NUS1: variants seen among roughly 807,000 people sequenced by gnomAD.
NUS1 encodes NUS1 dehydrodolichyl diphosphate synthase subunit, also known as dehydrodolichyl diphosphate synthase complex subunit NUS1.
For missense variants in NUS1, 292 were observed against 382.9 expected, an observed-to-expected ratio of 0.76 and a Z score of 1.98; for synonymous variants, 135 against 155.2, an observed-to-expected ratio of 0.87 and a Z score of 0.97.
At chr6:117,705,917 T>C (rs1172456859) in intron 4 of NUS1, among the ~76,000 whole-genome samples, 2 of 152,152 alleles carry the variant, frequency 1.3e-5, no homozygotes, top group East Asian at 1.9e-4. Flanking sequence ...GGATGACTTA[T>C]TGCAGAATTT....
chr6:117,708,965 C>T lies in NUS1; in HGVS notation c.*1950C>T, dbSNP rs888651702. ...AGTAAAGGTTTAATATTTGCATTTT[C>T]GTGCTTTTATTTTCTCCTTCCATTC... is the stretch of plus-strand genomic sequence containing the variant. On this transcript the variant is annotated 3_prime_UTR_variant, in exon 5 of 5. Coordinates refer to ENST00000368494, the MANE Select transcript of NUS1 (RefSeq NM_138459.5). 6 of 152,126 alleles carry T rather than the reference C, an allele frequency of 3.9e-5. No individual in the cohort carries two copies. Among genetic ancestry groups the T allele is most frequent in the African/African-American group, 9.6e-5 (4 of 41,452 alleles). 9.4% of individuals were successfully genotyped at this position (152,126 alleles called of 1,614,324 possible). A position where few individuals can be genotyped will look rare whatever the true frequency, so the allele number is the denominator to read the frequency against.
In NUS1 at chr6:117,675,606, A is replaced by G; in HGVS notation, c.-65A>G. The G allele has an allele frequency of 7.0e-7, 1 of 1,420,152 alleles. No homozygotes were observed. Among genetic ancestry groups the G allele is most frequent in the Non-Finnish European group, 9.5e-7 (1 of 1,048,546 alleles). The allele number at this position is 1,420,152 out of a possible 1,614,324, so 88.0% of individuals were successfully genotyped here. The stretch of plus-strand genomic sequence containing the variant: ...TGGCCCGCGCCGGCCGCAGGGGCGG[A>G]TAAAAAGCCGTCGCGCTGCGGGAGT... On this transcript the variant is annotated 5_prime_UTR_variant, in exon 1 of 5. Coordinates refer to ENST00000368494, the MANE Select transcript of NUS1 (RefSeq NM_138459.5).
chr6:117,697,768 A>G (rs1773342297), intron 3 of NUS1, among the ~76,000 whole-genome samples: 1 of 152,104 alleles, frequency 6.6e-6, no homozygotes, highest in Non-Finnish European at 1.5e-5. Flanking sequence ...CAGAAAATCA[A>G]CAAGAAACAT....
intron 1 of NUS1, among the ~76,000 whole-genome samples, chr6:117,692,533 T>A (rs72951508): frequency 0.053 from 8,030 of 152,192 alleles, 224 homozygotes; most frequent in Middle Eastern, 0.12. Context: ...TACTAAATTG[T>A]TTTTCTGTTC....
intron 1 of NUS1, among the ~76,000 whole-genome samples, chr6:117,686,017 T>C (rs1423752102): frequency 6.7e-6 from 1 of 148,698 alleles, no homozygotes; most frequent in African/African-American, 2.5e-5. Context: ...ATCCCAGCAC[T>C]TTGGGAGGCT....
chr6:117,692,084 AG>A (rs1398372932), intron 1 of NUS1, among the ~76,000 whole-genome samples: 1 of 152,116 alleles, frequency 6.6e-6, no homozygotes, highest in Non-Finnish European at 1.5e-5. Context: ...CTATGGGGTG[AG>A]GAAAGAAATT....
intron 3 of NUS1, among the ~76,000 whole-genome samples, chr6:117,694,504 T>A (rs1390187394): frequency 6.6e-6 from 1 of 152,068 alleles, no homozygotes; most frequent in Admixed American, 6.5e-5. Context: ...TCTTCCCCTT[T>A]CTTTTTAGTT....
At chr6:117,689,089 AG>A (rs1773180219) in intron 1 of NUS1, among the ~76,000 whole-genome samples, 1 of 152,186 alleles carries the variant, frequency 6.6e-6, no homozygotes, top group Admixed American at 6.5e-5. Context: ...CCATTCAAGG[AG>A]CCAGGTTACG....
chr6:117,684,233 A>G (rs560416832), intron 1 of NUS1, among the ~76,000 whole-genome samples: 19 of 152,260 alleles, frequency 1.2e-4, no homozygotes, highest in Admixed American at 2.0e-4. Context: ...AATCTCCCCA[A>G]TCCCATGGAT....
At chr6:117,681,640 A>T (rs1773063194) in intron 1 of NUS1, among the ~76,000 whole-genome samples, 1 of 152,344 alleles carries the variant, frequency 6.6e-6, no homozygotes, top group South Asian at 2.1e-4. Flanking sequence ...AAATGTGATT[A>T]CATTTGACAT....
At chr6:117,690,518 C>G (rs191061645) in intron 1 of NUS1, among the ~76,000 whole-genome samples, 2 of 152,244 alleles carry the variant, frequency 1.3e-5, no homozygotes, top group East Asian at 3.9e-4. Flanking sequence ...CCCTGGTGAG[C>G]AAAACAGATA....
Position 117,703,356 on chromosome 6 carries a change from C to T in NUS1, c.692-249C>T, listed in dbSNP as rs1373941359. Among the ~76,000 whole-genome samples the T allele has an allele frequency of 2.6e-5, 4 of 152,170 alleles. No homozygotes were observed. In the East Asian group the frequency reaches 5.8e-4, roughly 22 times the overall value. ...TGGGAGGTGGGTTACCCTTTCTTATCAGGTAATCAATCAAGTTAAACAGAC... is the reference window on the plus strand; with the variant it reads ...TGGGAGGTGGGTTACCCTTTCTTATTAGGTAATCAATCAAGTTAAACAGAC... On this transcript the variant is annotated intron_variant, in intron 3 of 4. Coordinates refer to ENST00000368494, the MANE Select transcript of NUS1 (RefSeq NM_138459.5).
chr6:117,678,533 G>T (rs1333271883), intron 1 of NUS1, among the ~76,000 whole-genome samples: 1 of 152,166 alleles, frequency 6.6e-6, no homozygotes, highest in Non-Finnish European at 1.5e-5. Flanking sequence ...AGTCAGTGGT[G>T]TAGGAAGGGG....
intron 3 of NUS1, among the ~76,000 whole-genome samples, chr6:117,695,321 C>CA (rs1773304201): frequency 1.3e-5 from 2 of 151,976 alleles, no homozygotes; most frequent in Non-Finnish European, 2.9e-5. Context: ...AAGTCCATCT[C>CA]CCACTTCTTG....
chr6:117,700,395 A>G (rs1268013093), intron 3 of NUS1, among the ~76,000 whole-genome samples: 1 of 152,250 alleles, frequency 6.6e-6, no homozygotes, highest in Non-Finnish European at 1.5e-5. Flanking sequence ...AAAGATGCTC[A>G]ATATCACTGA....
intron 1 of NUS1, among the ~76,000 whole-genome samples, chr6:117,686,370 G>A (rs1187085484): frequency 6.6e-6 from 1 of 152,174 alleles, no homozygotes; most frequent in Admixed American, 6.5e-5. Context: ...TCAAAATTTA[G>A]TTGTATAGTG....
intron 1 of NUS1, among the ~76,000 whole-genome samples, chr6:117,677,768 T>G (rs1382281696): frequency 2.0e-5 from 3 of 152,232 alleles, no homozygotes; most frequent in Non-Finnish European, 4.4e-5. Flanking sequence ...TTATGGAACT[T>G]GCTAAAGAAC....
At chr6:117,703,746 A>G in intron 4 of NUS1, 42 bp downstream of exon 4, 1 of 1,395,978 alleles carries the variant, frequency 7.2e-7, no homozygotes, top group Non-Finnish European at 1.0e-6. Flanking sequence ...AGATTCAGCA[A>G]GTGTTTCTTG....
intron 4 of NUS1, among the ~76,000 whole-genome samples, chr6:117,704,476 C>T (rs1030410568): frequency 6.6e-6 from 1 of 152,196 alleles, no homozygotes; most frequent in Non-Finnish European, 1.5e-5. Context: ...CTATGCAACT[C>T]TGCTGCTATA....
Sources: gnomAD v4.1 joint callset for allele counts (sites outside exome capture counted in the v4.1 genomes callset) on GRCh38, gnomAD v4.1.1 for gene constraint, MANE v1.5 for transcripts, NCBI Gene and HGNC (gene_info 2026-07-23, HGNC 2026-07-21) for gene names.